EPHB2: variants seen among roughly 807,000 people sequenced by gnomAD.
The protein encoded by EPHB2 is ephrin type-B receptor 2.
In EPHB2, 18 loss-of-function variants were observed where a neutral mutation model predicts 96.4. The ratio of observed to expected loss-of-function variants is 0.19; its 90% CI spans 0.13 to 0.28. The LOEUF (loss-of-function observed/expected upper bound fraction) is 0.28, where lower values mean the gene tolerates loss of function less well. EPHB2 is among the 10% of genes least tolerant of loss of function. EPHB2 has a pLI of 1.00. For missense variants in EPHB2, 989 were observed against 1,355.4 expected, an observed-to-expected ratio of 0.73 and a Z score of 4.25; for synonymous variants, 506 against 534.1, an observed-to-expected ratio of 0.95 and a Z score of 0.72.
At position 22,892,773 on chromosome 1, in the gene EPHB2, A is replaced by G. The variant is rs773087018; in HGVS notation, c.1429-111A>G. 10 of 1,322,104 alleles carry G rather than the reference A, an allele frequency of 7.6e-6. No homozygotes were observed. The Admixed American group carries it at 1.7e-4, about 22-fold the overall frequency. 81.9% of individuals were successfully genotyped at this position (1,322,104 alleles called of 1,614,324 possible). A position where few individuals can be genotyped will look rare whatever the true frequency, so the allele number is the denominator to read the frequency against. ...GAGGGGATGAAGAATTGGGAACCAT[A>G]GATGTTTATCCAATGGCCAGACCTG... is the stretch of plus-strand genomic sequence containing the variant. On this transcript the variant is annotated intron_variant, in intron 6 of 15. Transcript: ENST00000374630.
Position 22,896,489 on chromosome 1 carries a change from A to G in EPHB2, c.1765+11A>G, listed in dbSNP as rs1170958505. On this transcript the variant is annotated intron_variant, in intron 9 of 15. Coordinates refer to ENST00000374630, the MANE Select transcript of EPHB2 (RefSeq NM_017449.5). ...ACACCAGTGGCCACAGTATGTACAC[A>G]CCCAAGCGGGCTGGAACCCTTGGGC... 6.2e-7 allele frequency: 1 copy of G among 1,613,952 alleles called. No individual in the cohort carries two copies. The highest frequency in any genetic ancestry group is 2.2e-5 in the East Asian group (1 of 44,892).
intron 3 of EPHB2, among the ~76,000 whole-genome samples, chr1:22,807,141 T>C (rs1372296789): frequency 1.3e-5 from 2 of 152,216 alleles, no homozygotes; most frequent in Non-Finnish European, 2.9e-5. Flanking sequence ...CCTTCTCCCC[T>C]TCTGTCTCCT....
At chr1:22,732,267 C>T (rs1643734015) in intron 1 of EPHB2, among the ~76,000 whole-genome samples, 1 of 151,802 alleles carries the variant, frequency 6.6e-6, no homozygotes, top group Admixed American at 6.6e-5. Flanking sequence ...GATGTGTGGG[C>T]CAACTGGCTC....
At chr1:22,755,048 A>G (rs1417098833) in intron 1 of EPHB2, among the ~76,000 whole-genome samples, 1 of 152,094 alleles carries the variant, frequency 6.6e-6, no homozygotes. Flanking sequence ...CTTTGTTGCA[A>G]AAGACCAGTG....
chr1:22,909,236 C>G, intron 13 of EPHB2, 65 bp downstream of exon 13: 1 of 1,611,342 alleles, frequency 6.2e-7, no homozygotes, highest in South Asian at 1.1e-5. Context: ...AAGATCGGGG[C>G]TCCTGGCCTT....
chr1:22,817,471 C>T (rs1645091000), intron 3 of EPHB2, among the ~76,000 whole-genome samples: 1 of 152,214 alleles, frequency 6.6e-6, no homozygotes, highest in Non-Finnish European at 1.5e-5. Flanking sequence ...CCTTTTTAGT[C>T]ATATGGACCA....
intron 3 of EPHB2, among the ~76,000 whole-genome samples, chr1:22,805,272 G>A (rs563322564): frequency 6.6e-6 from 1 of 152,250 alleles, no homozygotes; most frequent in East Asian, 1.9e-4. Context: ...GTCCTGGTTC[G>A]AGGTGACCCC....
chr1:22,834,552 T>C (rs1342554794), intron 3 of EPHB2, among the ~76,000 whole-genome samples: 2 of 152,162 alleles, frequency 1.3e-5, no homozygotes, highest in Admixed American at 6.5e-5. Flanking sequence ...AACTCTGCCA[T>C]TGTGACATAA....
Position 22,917,093 on chromosome 1 carries a change from TTTACTAACCAGCAGTGCCTC to T in EPHB2, c.*3529_*3548del, listed in dbSNP as rs1217678852. 3 of 152,176 alleles carry T rather than the reference TTTACTAACCAGCAGTGCCTC, an allele frequency of 2.0e-5. No homozygotes were observed. The highest frequency in any genetic ancestry group is 4.4e-5 in the Non-Finnish European group (3 of 68,054). 9.4% of individuals were successfully genotyped at this position (152,176 alleles called of 1,614,324 possible). A position where few individuals can be genotyped will look rare whatever the true frequency, so the allele number is the denominator to read the frequency against. ...CTTAAGGGACTCAGGGCTATGGCTGTTTACTAACCAGCAGTGCCTCTTACTCAGATGGCATCAGCTGAACT... is the reference window on the plus strand; with the variant it reads ...CTTAAGGGACTCAGGGCTATGGCTGTTTACTCAGATGGCATCAGCTGAACT... On this transcript the variant is annotated 3_prime_UTR_variant, in exon 16 of 16. Transcript: ENST00000374630.
intron 3 of EPHB2, among the ~76,000 whole-genome samples, chr1:22,852,889 A>T (rs1023108436): frequency 5.9e-5 from 9 of 152,186 alleles, no homozygotes; most frequent in African/African-American, 2.2e-4. Context: ...AGCTGGTAGG[A>T]GGAGGGGAGA....
intron 6 of EPHB2, chr1:22,882,939 A>T: frequency 4.4e-6 from 1 of 226,262 alleles, no homozygotes; most frequent in Non-Finnish European, 8.9e-6. Flanking sequence ...ACCCACTTTC[A>T]CTCGCCTGCA....
At chr1:22,887,302 G>A (rs1290143399) in intron 6 of EPHB2, among the ~76,000 whole-genome samples, 24 of 152,102 alleles carry the variant, frequency 1.6e-4, no homozygotes, top group Non-Finnish European at 5.9e-5. Flanking sequence ...GGCTGCAGGT[G>A]GTAGGATTTA....
chr1:22,748,168 A>AGAG (rs1286262922), intron 1 of EPHB2, among the ~76,000 whole-genome samples: 1 of 152,204 alleles, frequency 6.6e-6, no homozygotes, highest in Admixed American at 6.5e-5. Flanking sequence ...GTGAACATTC[A>AGAG]ATGTGTTTCC....
At chr1:22,863,266 G>A (rs757326702) in intron 4 of EPHB2, 74 bp downstream of exon 4, 1 of 1,607,342 alleles carries the variant, frequency 6.2e-7, no homozygotes, top group Non-Finnish European at 8.5e-7. Flanking sequence ...TCAGAGTGAG[G>A]ATTGGGTGCC....
chr1:22,904,785 A>G (rs1018669956), intron 9 of EPHB2, among the ~76,000 whole-genome samples: 4 of 152,230 alleles, frequency 2.6e-5, no homozygotes, highest in Non-Finnish European at 2.9e-5. Flanking sequence ...GCCAACCCCT[A>G]TATTACATGC....
chr1:22,867,152 G>A (rs188155327), intron 5 of EPHB2, among the ~76,000 whole-genome samples: 4 of 152,352 alleles, frequency 2.6e-5, no homozygotes, highest in Non-Finnish European at 1.5e-5. Flanking sequence ...CGAAGTCCTT[G>A]ATGTGTCCAC....
intron 14 of EPHB2, among the ~76,000 whole-genome samples, chr1:22,911,165 A>AATAAATAAATAC (rs1640091025): frequency 1.3e-5 from 2 of 151,576 alleles, no homozygotes; most frequent in Non-Finnish European, 2.9e-5. Context: ...TAAATAAATA[A>AATAAATAAATAC]ATAAATAAAT....
intron 3 of EPHB2, among the ~76,000 whole-genome samples, chr1:22,822,777 T>C (rs1341263021): frequency 1.6e-4 from 25 of 152,174 alleles, no homozygotes. Flanking sequence ...TGGCCTGCCG[T>C]CCAGTTTCAG....
At chr1:22,770,967 A>G (rs1311507763) in intron 1 of EPHB2, among the ~76,000 whole-genome samples, 2 of 152,162 alleles carry the variant, frequency 1.3e-5, no homozygotes, top group African/African-American at 4.8e-5. Flanking sequence ...AACAGATAAT[A>G]TGTGTGACAG....
Sources: gnomAD v4.1 joint callset for allele counts (sites outside exome capture counted in the v4.1 genomes callset) on GRCh38, gnomAD v4.1.1 for gene constraint, MANE v1.5 for transcripts, NCBI Gene and HGNC (gene_info 2026-07-23, HGNC 2026-07-21) for gene names.